The following TUT4 variants were observed in gnomAD, a reference collection of about 807,000 sequenced individuals.
TUT4 encodes terminal uridylyltransferase 4.
In TUT4, 36 loss-of-function variants were observed where a neutral mutation model predicts 192.2. The ratio of observed to expected loss-of-function variants is 0.19; its 90% confidence interval spans 0.14 to 0.25. The LOEUF (loss-of-function observed/expected upper bound fraction) is 0.25. Among genes scored for constraint, TUT4 ranks in the 10% least tolerant of loss-of-function variants. The pLI is 1.00. For missense variants in TUT4, 1,493 were observed against 1,957.2 expected, an observed-to-expected ratio of 0.76 and a Z score of 4.47; for synonymous variants, 618 against 666.0, an observed-to-expected ratio of 0.93 and a Z score of 1.11.
At chr1:52,483,608 G>A (rs373914746) in intron 9 of TUT4, among the ~76,000 whole-genome samples, 59 of 152,056 alleles carry the variant, frequency 3.9e-4, no homozygotes, top group African/African-American at 1.3e-3. Flanking sequence ...TCAGGAGTTC[G>A]AGACCAGCCT....
rs936037029 is a variant in TUT4 at position 52,462,651 on chromosome 1, C to G, written c.3070-882G>C. On this transcript the variant is annotated intron_variant, in intron 16 of 29. Transcript: ENST00000257177. ...TGTATGTAAAGCACTCAGCAGAATGCCTGGCACAAAATAAGCCTTTAAATC... is the reference window on the plus strand; with the variant it reads ...TGTATGTAAAGCACTCAGCAGAATGGCTGGCACAAAATAAGCCTTTAAATC... The G allele has an allele frequency of 5.5e-6, 5 of 908,182 alleles. No individual in the cohort carries two copies. In the Admixed American group the frequency reaches 3.1e-4, roughly 56 times the overall value. The allele number at this position is 908,182 out of a possible 1,614,324, so 56.3% of individuals were successfully genotyped here.
At chr1:52,549,314 C>A (rs1398990085) in intron 1 of TUT4, among the ~76,000 whole-genome samples, 1 of 152,158 alleles carries the variant, frequency 6.6e-6, no homozygotes, top group Non-Finnish European at 1.5e-5. Flanking sequence ...TCATTTATCT[C>A]ACCATTCTAT....
In TUT4 at chr1:52,435,404, C is replaced by A. The variant is rs759660052; in HGVS notation, c.4224G>T (p.Gln1408His). ...GTCTAGTCCTTATGGACTGATCACCCTGTTGCTGAGCTGAACCAGCCACCT... is the reference window on the plus strand; with the variant it reads ...GTCTAGTCCTTATGGACTGATCACCATGTTGCTGAGCTGAACCAGCCACCT... ...AQQVAGSAQQ[Q>H]GDQSIRTRQS... The change falls in exon 27 of 30, where the codon CAG becomes CAT. Residue 1408 changes from glutamine to histidine, a missense_variant. By Grantham distance (24) the Gln-to-His change is conservative (BLOSUM62 0). Transcript: ENST00000257177. 11 of 1,614,166 alleles carry A rather than the reference C, an allele frequency of 6.8e-6. 1 individual carries two copies. The highest frequency in any genetic ancestry group is 9.3e-6 in the Non-Finnish European group (11 of 1,179,998).
chr1:52,529,839 TTTC>T (rs948198688), intron 1 of TUT4: 7 of 152,296 alleles, frequency 4.6e-5, no homozygotes, highest in South Asian at 2.1e-4. Flanking sequence ...GAGTAATCTT[TTTC>T]TTCTTCTTCT....
Position 52,474,455 on chromosome 1 carries a change from T to TG in TUT4, c.2727+376dup, listed in dbSNP as rs534694810. Reference sequence around the variant, plus strand: ...ATTAGAATTTACAAACCTTTTATTTTGGGGGGGGAAGAAAAATTTTATGTA... The same window carrying TG: ...ATTAGAATTTACAAACCTTTTATTTTGGGGGGGGGAAGAAAAATTTTATGTA... On this transcript the variant is annotated intron_variant, in intron 13 of 29. Coordinates refer to ENST00000257177, the MANE Select transcript of TUT4 (RefSeq NM_001009881.3). Among the ~76,000 whole-genome samples the TG allele has an allele frequency of 1.0e-3, 158 of 151,642 alleles. 1 individual carries two copies. The highest frequency in any genetic ancestry group is 3.2e-3 in the African/African-American group (134 of 41,316).
At position 52,471,986 on chromosome 1, in the gene TUT4, C is replaced by T. The variant is rs377012240; in HGVS notation, c.2844G>A (p.Arg948=). 102 of 1,613,046 alleles carry T rather than the reference C, an allele frequency of 6.3e-5. No homozygotes were observed. The highest frequency in any genetic ancestry group is 1.6e-4 in the Middle Eastern group (1 of 6,080). ...KPLPPMTNRF[R]EILDLVCKRC... Reference sequence around the variant, plus strand: ...TTTTACATACTAAATCAAGTATTTCCCGAAATCGGTTTGTCATTGGTGGTA... The same window carrying T: ...TTTTACATACTAAATCAAGTATTTCTCGAAATCGGTTTGTCATTGGTGGTA... Residue 948 remains arginine, a synonymous_variant, in exon 14 of 30, where the codon CGG becomes CGA. Transcript: ENST00000257177.
chr1:52,510,173 A>C (rs574125424), intron 3 of TUT4, among the ~76,000 whole-genome samples: 2 of 151,974 alleles, frequency 1.3e-5, no homozygotes, highest in African/African-American at 4.8e-5. Context: ...TTAGCCGTGC[A>C]TGGTGGCGCA....
chr1:52,484,428 T>C (rs566501334), intron 9 of TUT4, among the ~76,000 whole-genome samples: 3 of 152,134 alleles, frequency 2.0e-5, no homozygotes, highest in Non-Finnish European at 2.9e-5. Context: ...TCCTCAAATT[T>C]TGGTATCCTT....
At chr1:52,501,666 A>C (rs1464257988) in intron 4 of TUT4, among the ~76,000 whole-genome samples, 1 of 152,244 alleles carries the variant, frequency 6.6e-6, no homozygotes, top group African/African-American at 2.4e-5. Flanking sequence ...ATCGATGTTC[A>C]CAGCAACATT....
At chr1:52,509,159 G>C (rs1374782339) in intron 4 of TUT4, among the ~76,000 whole-genome samples, 2 of 152,104 alleles carry the variant, frequency 1.3e-5, no homozygotes, top group African/African-American at 4.8e-5. Flanking sequence ...CCCTGTTCTA[G>C]ATCAAGTAAA....
At chr1:52,446,203 T>C in intron 22 of TUT4, 62 bp downstream of exon 22, 1 of 1,494,518 alleles carries the variant, frequency 6.7e-7, no homozygotes, top group Non-Finnish European at 9.1e-7. Context: ...ATTTCAGTTT[T>C]CCCCTCAATT....
chr1:52,437,223 T>C, intron 25 of TUT4: 1 of 384,490 alleles, frequency 2.6e-6, no homozygotes, highest in South Asian at 6.1e-5. Flanking sequence ...TTAACAATCC[T>C]TAGAGGTTGA....
At chr1:52,530,147 G>C (rs996806900) in intron 1 of TUT4, among the ~76,000 whole-genome samples, 3 of 151,120 alleles carry the variant, frequency 2.0e-5, no homozygotes, top group African/African-American at 7.3e-5. Context: ...CAGCTACTTT[G>C]AGTAATTTTT....
intron 1 of TUT4, among the ~76,000 whole-genome samples, chr1:52,533,737 G>A (rs538885436): frequency 6.6e-6 from 1 of 152,202 alleles, no homozygotes; most frequent in Admixed American, 6.5e-5. Context: ...GGAGGCTAAG[G>A]CAGGTAGATC....
chr1:52,531,344 T>C (rs1683351497), intron 1 of TUT4, among the ~76,000 whole-genome samples: 1 of 152,028 alleles, frequency 6.6e-6, no homozygotes, highest in Non-Finnish European at 1.5e-5. Context: ...TCCCAGCTGA[T>C]GTGGCTGGAC....
chr1:52,458,527 ATT>A, intron 19 of TUT4, 78 bp from the exon 20 acceptor site: 1 of 1,096,728 alleles, frequency 9.1e-7, no homozygotes, highest in Non-Finnish European at 1.3e-6. Context: ...CTGCCACATC[ATT>A]TTTTTTAACC....
chr1:52,542,599 C>T (rs757356158), intron 1 of TUT4, among the ~76,000 whole-genome samples: 13 of 152,102 alleles, frequency 8.5e-5, no homozygotes, highest in Non-Finnish European at 1.6e-4. Flanking sequence ...GATAAAAACA[C>T]TCAACAATCT....
At chr1:52,456,411 CAAAAAAAAAAAAA>C (rs1157223640) in intron 20 of TUT4, among the ~76,000 whole-genome samples, 4 of 12,000 alleles carry the variant, frequency 3.3e-4, no homozygotes, top group Middle Eastern at 0.071. Flanking sequence ...GACTGTGTCT[CAAAAAAAAAAAAA>C]AAAAAAAAAA....
At chr1:52,506,055 T>C (rs1190567330) in intron 4 of TUT4, among the ~76,000 whole-genome samples, 3 of 151,922 alleles carry the variant, frequency 2.0e-5, no homozygotes, top group African/African-American at 7.3e-5. Context: ...TAACCTCAGG[T>C]GATCCGCCCT....
Sources: allele counts gnomAD v4.1 joint callset (sites outside exome capture counted in the v4.1 genomes callset), GRCh38; gene constraint gnomAD v4.1.1; transcripts MANE v1.5; gene names NCBI Gene and HGNC (gene_info 2026-07-23, HGNC 2026-07-21).